IGF2BP3: variants seen among roughly 807,000 people sequenced by gnomAD.
The protein encoded by IGF2BP3 is insulin like growth factor 2 mRNA binding protein 3, also known as insulin-like growth factor 2 mRNA-binding protein 3.
IGF2BP3 carries 9 observed loss-of-function variants against 73.8 expected under a neutral mutation model. The ratio of observed to expected loss-of-function variants is 0.12; its 90% CI spans 0.07 to 0.21. The LOEUF is 0.21. IGF2BP3 is among the 10% of genes least tolerant of loss of function. The pLI, the probability that IGF2BP3 is intolerant of heterozygous loss-of-function variation, is 1.00. For missense variants in IGF2BP3, 542 were observed against 714.0 expected (o/e 0.76, Z 2.75); for synonymous variants, 258 against 256.7 (o/e 1.01, Z -0.05).
At chr7:23,433,487 T>A (rs1422073899) in intron 2 of IGF2BP3, among the ~76,000 whole-genome samples, 1 of 124,718 alleles carries the variant, frequency 8.0e-6, no homozygotes, top group Non-Finnish European at 1.8e-5. Context: ...TAATAACTAA[T>A]TTTTTTTTTT....
At chr7:23,448,938 C>G (rs1788129045) in intron 2 of IGF2BP3, among the ~76,000 whole-genome samples, 1 of 151,970 alleles carries the variant, frequency 6.6e-6, no homozygotes, top group Non-Finnish European at 1.5e-5. Context: ...AGCCACCCAC[C>G]CTGTCTTGAA....
intron 2 of IGF2BP3, among the ~76,000 whole-genome samples, chr7:23,427,187 G>A (rs1465773135): frequency 6.6e-6 from 1 of 152,084 alleles, no homozygotes; most frequent in Admixed American, 6.6e-5. Context: ...CAGAAACACT[G>A]GACAGACAAA....
rs1441635100 is a variant in IGF2BP3, at chr7:23,366,573, C to A, written c.286-4832G>T. ...AGTAAAAAAGAAAAAAAAAAAAAAA[C>A]CACAAGCAAAAAAACCCCTCTAATC... On this transcript the variant is annotated intron_variant, in intron 3 of 14. Transcript: ENST00000258729. Among the ~76,000 whole-genome samples the A allele has an allele frequency of 6.8e-3, 983 of 144,144 alleles. 6 individuals carry two copies. The highest frequency in any genetic ancestry group is 0.012 in the Non-Finnish European group (796 of 66,336). The allele number at this position is 144,144 out of a possible 152,430, so 94.6% of individuals were successfully genotyped here.
At chr7:23,338,045 A>C (rs1007385545) in intron 10 of IGF2BP3, among the ~76,000 whole-genome samples, 1 of 152,194 alleles carries the variant, frequency 6.6e-6, no homozygotes, top group Non-Finnish European at 1.5e-5. Flanking sequence ...GTAACAATAC[A>C]TACCCAAACC....
At chr7:23,444,688 G>C (rs1013376343) in intron 2 of IGF2BP3, among the ~76,000 whole-genome samples, 1 of 150,208 alleles carries the variant, frequency 6.7e-6, no homozygotes, top group African/African-American at 2.5e-5. Context: ...GGGTGCAGTG[G>C]GCTCAGATTG....
chr7:23,457,543 T>C (rs902967672), intron 2 of IGF2BP3, among the ~76,000 whole-genome samples: 7 of 152,210 alleles, frequency 4.6e-5, no homozygotes, highest in Non-Finnish European at 8.8e-5. Flanking sequence ...AAAGTTACTA[T>C]GAAAAGGATG....
At chr7:23,402,464 G>A (rs562077329) in intron 3 of IGF2BP3, 10 of 152,186 alleles carry the variant, frequency 6.6e-5, no homozygotes, top group Non-Finnish European at 1.5e-4. Context: ...TTTATAGAAA[G>A]TGATACTTAT....
chr7:23,355,510 T>C (rs1215798828), intron 5 of IGF2BP3, among the ~76,000 whole-genome samples: 1 of 152,054 alleles, frequency 6.6e-6, no homozygotes, highest in Admixed American at 6.6e-5. Context: ...GGATTACAAG[T>C]GTGAGCCACA....
At chr7:23,351,620 G>A (rs1469573201) in intron 5 of IGF2BP3, 34 bp from the exon 6 acceptor site, 4 of 1,609,990 alleles carry the variant, frequency 2.5e-6, no homozygotes, top group Admixed American at 1.7e-5. Context: ...GTGGGAAAAG[G>A]AATCAGGCTA....
At chr7:23,377,592 T>C (rs1785768632) in intron 3 of IGF2BP3, among the ~76,000 whole-genome samples, 1 of 152,248 alleles carries the variant, frequency 6.6e-6, no homozygotes, top group Non-Finnish European at 1.5e-5. Context: ...AGTTACCATA[T>C]GATCTAGCAA....
At chr7:23,321,059 G>A (rs2128493374) in intron 10 of IGF2BP3, among the ~76,000 whole-genome samples, 1 of 152,266 alleles carries the variant, frequency 6.6e-6, no homozygotes, top group Admixed American at 6.5e-5. Context: ...ATTTTGTCGG[G>A]AGGGAGGAGC....
chr7:23,378,075 A>G lies in IGF2BP3; in HGVS notation c.286-16334T>C, dbSNP rs533127975. 7.2e-5 allele frequency among the ~76,000 whole-genome samples: 11 copies of G among 152,350 alleles called. No homozygotes were observed. The East Asian group carries it at 1.3e-3, about 19-fold the overall frequency. ...ACTATACTAAAAACCACTGAATTGT[A>G]TGCTTCAGAAAGGTGAATTTTATGA... On this transcript the variant is annotated intron_variant, in intron 3 of 14. Transcript: ENST00000258729.
chr7:23,331,336 A>G (rs1344250889), intron 10 of IGF2BP3, among the ~76,000 whole-genome samples: 2 of 152,212 alleles, frequency 1.3e-5, no homozygotes, highest in East Asian at 3.8e-4. Context: ...ATTTGATTGC[A>G]TCATTACATG....
chr7:23,392,214 G>A (rs1786298487), intron 3 of IGF2BP3, among the ~76,000 whole-genome samples: 1 of 152,030 alleles, frequency 6.6e-6, no homozygotes, highest in Non-Finnish European at 1.5e-5. Flanking sequence ...GCCAAAATGA[G>A]GGCAGAACCA....
At chr7:23,407,064 C>CA (rs1164048711) in intron 3 of IGF2BP3, among the ~76,000 whole-genome samples, 5 of 150,396 alleles carry the variant, frequency 3.3e-5, no homozygotes, top group Admixed American at 2.0e-4. Flanking sequence ...AGAGAGAACA[C>CA]AAAAATTACT....
intron 3 of IGF2BP3, among the ~76,000 whole-genome samples, chr7:23,405,973 G>A (rs1786816207): frequency 6.6e-6 from 1 of 151,808 alleles, no homozygotes; most frequent in African/African-American, 2.4e-5. Context: ...TTAATGCTGG[G>A]TGATTAACAC....
chr7:23,390,156 A>G (rs1393207707), intron 3 of IGF2BP3, among the ~76,000 whole-genome samples: 2 of 152,198 alleles, frequency 1.3e-5, no homozygotes, highest in East Asian at 3.8e-4. Flanking sequence ...GGAAAGTATA[A>G]AGCAACATAG....
chr7:23,364,417 G>A (rs1213046517), intron 3 of IGF2BP3, among the ~76,000 whole-genome samples: 2 of 150,272 alleles, frequency 1.3e-5, no homozygotes, highest in South Asian at 2.1e-4. Flanking sequence ...GAGTGGTGGC[G>A]GGTGCCTGTA....
At chr7:23,355,648 T>C (rs892216197) in intron 5 of IGF2BP3, among the ~76,000 whole-genome samples, 1 of 152,118 alleles carries the variant, frequency 6.6e-6, no homozygotes, top group Non-Finnish European at 1.5e-5. Context: ...AGAAGTTTAC[T>C]GGGGCCAGGT....
Sources: gnomAD v4.1 joint callset for allele counts (sites outside exome capture counted in the v4.1 genomes callset) on GRCh38, gnomAD v4.1.1 for gene constraint, MANE v1.5 for transcripts, NCBI Gene and HGNC (gene_info 2026-07-23, HGNC 2026-07-21) for gene names.